MCM9: variants seen among roughly 807,000 people sequenced by gnomAD.
MCM9 encodes minichromosome maintenance 9 homologous recombination repair factor.
Under a neutral mutation model 72.8 loss-of-function variants are expected in MCM9, and 55 were observed. The observed-to-expected ratio is 0.76, with a 90% CI of 0.61 to 0.95. The LOEUF is 0.95. Ranked by LOEUF, MCM9 falls within the 40% of genes least tolerant of loss-of-function variation. The pLI is 0.00. For synonymous variants in MCM9, 480 were observed against 503.4 expected, an observed-to-expected ratio of 0.95 and a Z score of 0.62; for missense variants, 1,279 against 1,377.0, an observed-to-expected ratio of 0.93 and a Z score of 1.13.
chr6:118,928,932 A>G (rs1782145288), intron 3 of MCM9, among the ~76,000 whole-genome samples: 1 of 151,836 alleles, frequency 6.6e-6, no homozygotes, highest in Admixed American at 6.6e-5. Flanking sequence ...TTTAAACATT[A>G]ATTCTGGCCG....
intron 8 of MCM9, among the ~76,000 whole-genome samples, chr6:118,896,473 G>T (rs1779424566): frequency 6.6e-6 from 1 of 152,078 alleles, no homozygotes; most frequent in Non-Finnish European, 1.5e-5. Flanking sequence ...CTTTTACATT[G>T]CATAGATGAA....
intron 8 of MCM9, among the ~76,000 whole-genome samples, chr6:118,890,194 G>C (rs1778854821): frequency 6.6e-6 from 1 of 152,140 alleles, no homozygotes; most frequent in African/African-American, 2.4e-5. Flanking sequence ...CATTAATCAA[G>C]TCATTACTGG....
At chr6:118,826,006 G>A in intron 13 of MCM9, 141 bp downstream of exon 13, 3 of 844,024 alleles carry the variant, frequency 3.6e-6, no homozygotes, top group Non-Finnish European at 5.4e-6. Flanking sequence ...GTCTCCTATA[G>A]ATAGTATCTG....
chr6:118,927,704 C>CA (rs1334877302), intron 3 of MCM9, among the ~76,000 whole-genome samples: 1 of 151,912 alleles, frequency 6.6e-6, no homozygotes, highest in Admixed American at 6.6e-5. Flanking sequence ...ACTGTATAGA[C>CA]AGACACTTGT....
chr6:118,854,925 T>C (rs1242130457), intron 9 of MCM9, among the ~76,000 whole-genome samples: 1 of 152,224 alleles, frequency 6.6e-6, no homozygotes, highest in Non-Finnish European at 1.5e-5. Flanking sequence ...CATTGCTTTT[T>C]CATTTCACAT....
chr6:118,822,271 T>A (rs906401538), intron 13 of MCM9, among the ~76,000 whole-genome samples: 3 of 152,212 alleles, frequency 2.0e-5, no homozygotes, highest in Admixed American at 1.3e-4. Context: ...CTACCTTTGA[T>A]CTTTGAGCTG....
At chr6:118,818,479 T>C (rs1273514551) in intron 13 of MCM9, among the ~76,000 whole-genome samples, 1 of 152,198 alleles carries the variant, frequency 6.6e-6, no homozygotes, top group African/African-American at 2.4e-5. Flanking sequence ...TTCTGTTTCA[T>C]TGGTCTATAT....
Position 118,894,500 on chromosome 6 carries a change from G to T in MCM9, c.1150+17150C>A, listed in dbSNP as rs1171096378. 1.3e-6 allele frequency: 2 copies of T among 1,537,162 alleles called. No individual in the cohort carries two copies. The highest frequency in any genetic ancestry group is 4.9e-5 in the East Asian group (2 of 40,910). On this transcript the variant is annotated intron_variant, in intron 8 of 13. Transcript: ENST00000619706. ...CGTTCCAGTTCGAGATCACCTTCGA[G>T]TGCATCGAGGACCTGTCTGAAGGTG... is the stretch of plus-strand genomic sequence containing the variant.
intron 8 of MCM9, among the ~76,000 whole-genome samples, chr6:118,859,830 T>C (rs1776792156): frequency 6.6e-6 from 1 of 152,202 alleles, no homozygotes; most frequent in Admixed American, 6.5e-5. Flanking sequence ...CAGAGCCTTA[T>C]CTACCTGGAA....
chr6:118,888,740 G>A (rs1256794082), intron 8 of MCM9, among the ~76,000 whole-genome samples: 1 of 152,030 alleles, frequency 6.6e-6, no homozygotes, highest in Non-Finnish European at 1.5e-5. Flanking sequence ...AAATTATTGG[G>A]TAATAAAAAG....
chr6:118,823,514 A>C (rs1773957202), intron 13 of MCM9, among the ~76,000 whole-genome samples: 1 of 152,164 alleles, frequency 6.6e-6, no homozygotes, highest in East Asian at 1.9e-4. Context: ...TCTTGCTGGG[A>C]GCTGCAGACC....
intron 5 of MCM9, chr6:118,918,042 G>A: frequency 9.4e-6 from 4 of 427,146 alleles, no homozygotes; most frequent in Non-Finnish European, 4.2e-6. Context: ...TTTTCACTGG[G>A]AAAATAGTTT....
intron 8 of MCM9, among the ~76,000 whole-genome samples, chr6:118,873,287 G>A (rs983755960): frequency 6.6e-6 from 1 of 151,398 alleles, no homozygotes; most frequent in Non-Finnish European, 1.5e-5. Flanking sequence ...GAAAAGAAGA[G>A]AAAAGAGAAG....
intron 8 of MCM9, among the ~76,000 whole-genome samples, chr6:118,899,881 A>C (rs1486232952): frequency 6.6e-6 from 1 of 152,204 alleles, no homozygotes; most frequent in African/African-American, 2.4e-5. Flanking sequence ...CAAAATACCC[A>C]AAGAAGATGA....
chr6:118,842,582 CA>C (rs1775450019), intron 9 of MCM9, among the ~76,000 whole-genome samples: 1 of 152,114 alleles, frequency 6.6e-6, no homozygotes, highest in African/African-American at 2.4e-5. Flanking sequence ...TGCAGTGGTC[CA>C]ATCATAGCTC....
In MCM9 at chr6:118,829,218, A is replaced by C; in HGVS notation, c.1358T>G (p.Ile453Ser). The C allele has an allele frequency of 6.5e-7, 1 of 1,550,340 alleles. No homozygotes were observed. Among genetic ancestry groups the C allele is most frequent in the Non-Finnish European group, 8.7e-7 (1 of 1,146,668 alleles). ...LVCKLNTRTTILAATNPKGQY... is the reference protein window; with the variant it reads ...LVCKLNTRTTSLAATNPKGQY... ...GCCTTTGGGGTTCGTTGCTGCCAGG[A>C]TGGTGGTCCTTGTGTTCAGCTTGCA... Residue 453 changes from isoleucine to serine, a missense_variant, in exon 10 of 14, where the codon ATC (isoleucine) becomes AGC (serine). Coordinates refer to ENST00000619706, the MANE Select transcript of MCM9 (RefSeq NM_017696.3).
At chr6:118,929,194 T>C (rs1218768464) in intron 3 of MCM9, among the ~76,000 whole-genome samples, 1 of 152,246 alleles carries the variant, frequency 6.6e-6, no homozygotes, top group Non-Finnish European at 1.5e-5. Flanking sequence ...GACTCCAGCC[T>C]GGACAACAGA....
intron 11 of MCM9, 114 bp downstream of exon 11, chr6:118,827,813 G>C (rs1774264597): frequency 1.0e-6 from 1 of 962,444 alleles, no homozygotes; most frequent in Non-Finnish European, 1.5e-6. Context: ...AAGTGACTAT[G>C]AGCACCTTAG....
intron 8 of MCM9, among the ~76,000 whole-genome samples, chr6:118,862,041 G>A (rs1776938102): frequency 1.3e-5 from 2 of 152,260 alleles, no homozygotes; most frequent in Admixed American, 6.5e-5. Context: ...AGCCAAGGCA[G>A]TGGGGTGGCA....
Sources: allele counts gnomAD v4.1 joint callset (sites outside exome capture counted in the v4.1 genomes callset), GRCh38; gene constraint gnomAD v4.1.1; transcripts MANE v1.5; gene names NCBI Gene and HGNC (gene_info 2026-07-23, HGNC 2026-07-21).